The following MGAT4C variants were observed in gnomAD, a reference collection of about 807,000 sequenced individuals.
MGAT4C encodes the protein alpha-1,3-mannosyl-glycoprotein 4-beta-N-acetylglucosaminyltransferase C.
MGAT4C carries 19 observed loss-of-function variants against 40.1 expected under a neutral mutation model. The observed-to-expected ratio is 0.47, with a 90% confidence interval of 0.33 to 0.70. The LOEUF is 0.70. Ranked by LOEUF, MGAT4C falls within the 30% of genes least tolerant of loss-of-function variation. MGAT4C has a pLI of 0.02. For synonymous variants in MGAT4C, 181 were observed against 187.1 expected (o/e 0.97, Z 0.27); for missense variants, 491 against 563.2 (o/e 0.87, Z 1.30).
chr12:86,596,379 C>T (rs1407820303), intron 2 of MGAT4C, among the ~76,000 whole-genome samples: 1 of 152,098 alleles, frequency 6.6e-6, no homozygotes, highest in Non-Finnish European at 1.5e-5. Flanking sequence ...TAAAACTATT[C>T]AATCCCTTTA....
chr12:86,827,152 T>A (rs11831438), intron 1 of MGAT4C, among the ~76,000 whole-genome samples: 25,622 of 151,270 alleles, frequency 0.17, 2,301 homozygotes, highest in Middle Eastern at 0.3. Context: ...AGATCCCCCA[T>A]CTAAAATCAT....
At chr12:86,561,258 G>C (rs1032196333) in intron 2 of MGAT4C, among the ~76,000 whole-genome samples, 1 of 152,038 alleles carries the variant, frequency 6.6e-6, no homozygotes, top group Non-Finnish European at 1.5e-5. Flanking sequence ...AACCACAAAA[G>C]ACCCTGTGAT....
chr12:86,177,140 C>T (rs1051746400), intron 1 of MGAT4C, among the ~76,000 whole-genome samples: 27 of 152,024 alleles, frequency 1.8e-4, no homozygotes, highest in African/African-American at 6.5e-4. Context: ...AACATTTATG[C>T]TAAGTGTAGC....
chr12:86,347,133 T>G (rs1413249714), intron 3 of MGAT4C, among the ~76,000 whole-genome samples: 4 of 152,162 alleles, frequency 2.6e-5, no homozygotes, highest in Non-Finnish European at 5.9e-5. Flanking sequence ...CGGCCTATGG[T>G]GGGACTTTAC....
At chr12:86,358,541 TAA>T (rs1350937100) in intron 3 of MGAT4C, among the ~76,000 whole-genome samples, 2 of 152,064 alleles carry the variant, frequency 1.3e-5, no homozygotes, top group Non-Finnish European at 2.9e-5. Flanking sequence ...GCAAACTGGA[TAA>T]AGAGTCAAGA....
At chr12:86,446,530 C>G (rs532143889) in intron 2 of MGAT4C, among the ~76,000 whole-genome samples, 4 of 150,938 alleles carry the variant, frequency 2.7e-5, no homozygotes, top group Non-Finnish European at 4.4e-5. Context: ...AGTATTTTAT[C>G]ATTTATATTG....
chr12:86,500,188 T>C (rs547032792), intron 2 of MGAT4C, among the ~76,000 whole-genome samples: 1 of 152,092 alleles, frequency 6.6e-6, no homozygotes, highest in Non-Finnish European at 1.5e-5. Flanking sequence ...TTCATATATA[T>C]GTATACATAT....
chr12:86,414,473 T>C (rs1956667741), intron 3 of MGAT4C, among the ~76,000 whole-genome samples: 1 of 152,290 alleles, frequency 6.6e-6, no homozygotes, highest in African/African-American at 2.4e-5. Flanking sequence ...CTTTATAAAA[T>C]GCAGGGCACA....
At chr12:86,613,426 T>C (rs1283755101) in intron 2 of MGAT4C, among the ~76,000 whole-genome samples, 1 of 152,154 alleles carries the variant, frequency 6.6e-6, no homozygotes, top group African/African-American at 2.4e-5. Context: ...AAAGTAAGTA[T>C]TGGGACTTAA....
chr12:86,058,187 T>C (rs1893587942), intron 1 of MGAT4C, among the ~76,000 whole-genome samples: 1 of 152,104 alleles, frequency 6.6e-6, no homozygotes, highest in African/African-American at 2.4e-5. Flanking sequence ...TTTATTACAC[T>C]CATGCATATA....
intron 2 of MGAT4C, among the ~76,000 whole-genome samples, chr12:86,677,736 G>T (rs1435021538): frequency 6.6e-6 from 1 of 151,982 alleles, no homozygotes; most frequent in Non-Finnish European, 1.5e-5. Context: ...ATCCATTTGA[G>T]ACTAAATAGC....
intron 2 of MGAT4C, among the ~76,000 whole-genome samples, chr12:86,691,928 A>T (rs1366982654): frequency 6.6e-6 from 1 of 152,150 alleles, no homozygotes; most frequent in East Asian, 1.9e-4. Flanking sequence ...TTCTGAGTAT[A>T]TACAGATAAT....
At chr12:86,128,888 T>C (rs917372771) in intron 1 of MGAT4C, among the ~76,000 whole-genome samples, 1 of 152,160 alleles carries the variant, frequency 6.6e-6, no homozygotes, top group Non-Finnish European at 1.5e-5. Flanking sequence ...TTCTCCTACA[T>C]GTGGCTAGCC....
At chr12:86,830,544 G>T (rs903097890) in intron 1 of MGAT4C, among the ~76,000 whole-genome samples, 1 of 151,784 alleles carries the variant, frequency 6.6e-6, no homozygotes, top group African/African-American at 2.4e-5. Context: ...AGTGTGTATA[G>T]TATTGTTTGT....
At chr12:86,084,569 T>C (rs767834046) in intron 1 of MGAT4C, among the ~76,000 whole-genome samples, 2 of 151,942 alleles carry the variant, frequency 1.3e-5, no homozygotes, top group Non-Finnish European at 2.9e-5. Context: ...AATAGTTACA[T>C]AGAGAAACAT....
intron 1 of MGAT4C, among the ~76,000 whole-genome samples, chr12:86,075,572 T>A (rs7969864): frequency 1.8e-4 from 28 of 152,212 alleles, no homozygotes; most frequent in Non-Finnish European, 3.4e-4. Context: ...GATCCCACAC[T>A]TCCCTTCTGC....
chr12:85,985,671 T>C (rs1369262360), intron 3 of MGAT4C, among the ~76,000 whole-genome samples: 2 of 152,112 alleles, frequency 1.3e-5, no homozygotes, highest in Non-Finnish European at 2.9e-5. Flanking sequence ...TACTTAGAAA[T>C]ATACTAATTG....
intron 4 of MGAT4C, among the ~76,000 whole-genome samples, chr12:86,302,113 G>C (rs1953827341): frequency 6.6e-6 from 1 of 150,980 alleles, no homozygotes; most frequent in Middle Eastern, 3.4e-3. Flanking sequence ...TCAGTCATGA[G>C]AATTATTCTT....
intron 2 of MGAT4C, among the ~76,000 whole-genome samples, chr12:86,702,908 CCTT>C (rs1950388759): frequency 6.6e-6 from 1 of 152,102 alleles, no homozygotes; most frequent in Admixed American, 6.6e-5. Context: ...ATATTGAAAA[CCTT>C]CTAGAAAGAA....
Sources: gnomAD v4.1 joint callset for allele counts (sites outside exome capture counted in the v4.1 genomes callset) on GRCh38, gnomAD v4.1.1 for gene constraint, MANE v1.5 for transcripts, NCBI Gene and HGNC (gene_info 2026-07-23, HGNC 2026-07-21) for gene names.